Variants in ARSB observed in about 807,000 individuals in gnomAD.
ARSB encodes the protein N-acetylgalactosamine-4-sulfatase.
A neutral mutation model predicts 50.9 loss-of-function variants in ARSB; 41 were observed. The ratio of observed to expected loss-of-function variants is 0.81; its 90% confidence interval spans 0.63 to 1.04. The LOEUF is 1.04. ARSB is among the 50% of genes least tolerant of loss of function. ARSB has a pLI of 0.00. For synonymous variants in ARSB, 269 were observed against 284.8 expected (o/e 0.94, Z 0.56); for missense variants, 672 against 693.3 (o/e 0.97, Z 0.35).
chr5:78,857,507 T>C lies in ARSB; in HGVS notation c.1143-18081A>G, dbSNP rs184555781. Among the ~76,000 whole-genome samples, 18 of 152,316 alleles carry C rather than the reference T, an allele frequency of 1.2e-4. No homozygotes were observed. In the East Asian group the frequency reaches 1.5e-3, roughly 13 times the overall value. Reference sequence around the variant, plus strand: ...CTGACGGTGTTAATGATAAACGGGTTTTCAATAATCACACAAGTTCATGAA... The same window carrying C: ...CTGACGGTGTTAATGATAAACGGGTCTTCAATAATCACACAAGTTCATGAA... On this transcript the variant is annotated intron_variant, in intron 5 of 7. Transcript: ENST00000264914.
intron 5 of ARSB, among the ~76,000 whole-genome samples, chr5:78,864,496 G>A (rs749525924): frequency 7.2e-5 from 11 of 152,132 alleles, no homozygotes; most frequent in Non-Finnish European, 1.2e-4. Context: ...TGACACATGA[G>A]AATTATGGGA....
intron 6 of ARSB, among the ~76,000 whole-genome samples, chr5:78,809,356 G>A (rs538109849): frequency 3.8e-4 from 58 of 152,352 alleles, no homozygotes; most frequent in African/African-American, 9.9e-4. Flanking sequence ...CTTGGGCAAC[G>A]GGAACAGCAT....
At chr5:78,839,990 C>G (rs1745127821) in intron 5 of ARSB, among the ~76,000 whole-genome samples, 1 of 152,196 alleles carries the variant, frequency 6.6e-6, no homozygotes, top group African/African-American at 2.4e-5. Flanking sequence ...ACAATCACAA[C>G]CTACATTTGT....
intron 6 of ARSB, among the ~76,000 whole-genome samples, chr5:78,805,613 T>C (rs561051995): frequency 8.8e-4 from 134 of 152,284 alleles, no homozygotes; most frequent in Non-Finnish European, 1.5e-3. Context: ...TCTGGTCCTC[T>C]CTGACCTTGA....
At chr5:78,898,876 T>C (rs1215395137) in intron 4 of ARSB, among the ~76,000 whole-genome samples, 2 of 152,240 alleles carry the variant, frequency 1.3e-5, no homozygotes, top group African/African-American at 4.8e-5. Flanking sequence ...TCTGAGTTTG[T>C]CCAGGTACTT....
intron 4 of ARSB, among the ~76,000 whole-genome samples, chr5:78,934,926 T>C (rs563356647): frequency 6.6e-6 from 1 of 152,236 alleles, no homozygotes; most frequent in South Asian, 2.1e-4. Flanking sequence ...GCAAATAGAT[T>C]ATATAATTTT....
At chr5:78,793,699 C>T (rs577902284) in intron 6 of ARSB, among the ~76,000 whole-genome samples, 2 of 152,144 alleles carry the variant, frequency 1.3e-5, no homozygotes, top group South Asian at 4.2e-4. Context: ...GGGCACACAG[C>T]CAGGTGGAGG....
At chr5:78,890,242 A>G (rs1012301236) in intron 4 of ARSB, among the ~76,000 whole-genome samples, 1 of 135,986 alleles carries the variant, frequency 7.4e-6, no homozygotes, top group African/African-American at 2.7e-5. Flanking sequence ...TGATATTCTC[A>G]AATCTTATCT....
At chr5:78,904,685 C>CTTTTTTTTT (rs55920994) in intron 4 of ARSB, among the ~76,000 whole-genome samples, 2 of 98,930 alleles carry the variant, frequency 2.0e-5, no homozygotes, top group Non-Finnish European at 4.0e-5. Flanking sequence ...TTCTTTCTTT[C>CTTTTTTTTT]TTTTTTTTTT....
At chr5:78,888,890 C>T (rs1748157058) in intron 4 of ARSB, among the ~76,000 whole-genome samples, 1 of 152,238 alleles carries the variant, frequency 6.6e-6, no homozygotes. Context: ...GCGATTCTAT[C>T]AACAGTTATT....
intron 6 of ARSB, among the ~76,000 whole-genome samples, chr5:78,829,565 C>T (rs1337716512): frequency 2.6e-5 from 4 of 152,178 alleles, no homozygotes; most frequent in Non-Finnish European, 5.9e-5. Context: ...GCCATATACT[C>T]ATTCCCTAGG....
At chr5:78,851,192 C>A (rs1226529049) in intron 5 of ARSB, among the ~76,000 whole-genome samples, 1 of 152,098 alleles carries the variant, frequency 6.6e-6, no homozygotes, top group Non-Finnish European at 1.5e-5. Context: ...CTCTTGTGGG[C>A]ATTCAGTGCT....
At chr5:78,787,109 T>A (rs1749103684) in intron 6 of ARSB, among the ~76,000 whole-genome samples, 1 of 151,336 alleles carries the variant, frequency 6.6e-6, no homozygotes, top group African/African-American at 2.4e-5. Context: ...TATCTATCTA[T>A]CTATCTATCT....
chr5:78,956,016 A>T (rs149393008), intron 3 of ARSB, among the ~76,000 whole-genome samples: 1 of 152,338 alleles, frequency 6.6e-6, no homozygotes, highest in African/African-American at 2.4e-5. Flanking sequence ...TTACCATATG[A>T]CCCAGCATTT....
chr5:78,904,249 C>T (rs562869295), intron 4 of ARSB, among the ~76,000 whole-genome samples: 3 of 152,292 alleles, frequency 2.0e-5, no homozygotes, highest in South Asian at 4.1e-4. Flanking sequence ...AGTTGAAGGA[C>T]ATTTGGGTTT....
chr5:78,837,523 T>A (rs1745004295), intron 6 of ARSB, among the ~76,000 whole-genome samples: 1 of 152,188 alleles, frequency 6.6e-6, no homozygotes, highest in East Asian at 1.9e-4. Flanking sequence ...GAAGGGGTTT[T>A]TAGGCCAATA....
At chr5:78,797,360 C>G (rs935645021) in intron 6 of ARSB, among the ~76,000 whole-genome samples, 7 of 152,216 alleles carry the variant, frequency 4.6e-5, no homozygotes, top group Non-Finnish European at 1.0e-4. Context: ...CAACATTTCG[C>G]TGGGTATTCT....
intron 4 of ARSB, among the ~76,000 whole-genome samples, chr5:78,924,136 A>G (rs1749945708): frequency 6.6e-6 from 1 of 152,204 alleles, no homozygotes; most frequent in Admixed American, 6.5e-5. Context: ...GATGATGAAG[A>G]TAATAATAAT....
chr5:78,879,989 A>G (rs1290912090), intron 5 of ARSB, among the ~76,000 whole-genome samples: 1 of 152,148 alleles, frequency 6.6e-6, no homozygotes, highest in Admixed American at 6.5e-5. Flanking sequence ...TAAAAAAAAA[A>G]AAGAAAGCCC....
Sources: gnomAD v4.1 joint callset for allele counts (sites outside exome capture counted in the v4.1 genomes callset) on GRCh38, gnomAD v4.1.1 for gene constraint, MANE v1.5 for transcripts, NCBI Gene and HGNC (gene_info 2026-07-23, HGNC 2026-07-21) for gene names.